The following PRKCE variants were observed in gnomAD, a reference collection of about 807,000 sequenced individuals.
PRKCE encodes the protein protein kinase C epsilon, also known as protein kinase C epsilon type.
In PRKCE, 16 loss-of-function variants were observed where a neutral mutation model predicts 85.4. The ratio of observed to expected loss-of-function variants is 0.19; its 90% confidence interval spans 0.13 to 0.28. The LOEUF (loss-of-function observed/expected upper bound fraction) is 0.28. Among genes scored for constraint, PRKCE ranks in the 10% least tolerant of loss-of-function variants. PRKCE has a pLI of 1.00. For missense variants in PRKCE, 573 were observed against 975.2 expected, an observed-to-expected ratio of 0.59 and a Z score of 5.49; for synonymous variants, 388 against 371.5, an observed-to-expected ratio of 1.04 and a Z score of -0.51.
chr2:45,701,144 G>A (rs932299086), intron 1 of PRKCE, among the ~76,000 whole-genome samples: 19 of 152,206 alleles, frequency 1.2e-4, no homozygotes, highest in Non-Finnish European at 2.5e-4. Flanking sequence ...TGAAGATGAA[G>A]TAGAATATAT....
At chr2:45,771,141 G>C (rs1685295348) in intron 1 of PRKCE, among the ~76,000 whole-genome samples, 1 of 152,138 alleles carries the variant, frequency 6.6e-6, no homozygotes, top group African/African-American at 2.4e-5. Flanking sequence ...GGTGGGAAGA[G>C]GTGGGTCAAT....
chr2:45,934,240 T>G (rs1029143821), intron 2 of PRKCE, among the ~76,000 whole-genome samples: 6 of 152,378 alleles, frequency 3.9e-5, no homozygotes, highest in African/African-American at 1.4e-4. Context: ...GTATTTGTTC[T>G]TATTGTAATA....
At chr2:45,948,195 C>G (rs116925130) in intron 2 of PRKCE, among the ~76,000 whole-genome samples, 1 of 152,274 alleles carries the variant, frequency 6.6e-6, no homozygotes, top group East Asian at 1.9e-4. Context: ...CCTTGCTATA[C>G]CCATAACGTG....
chr2:45,740,621 T>C (rs1281647790), intron 1 of PRKCE, among the ~76,000 whole-genome samples: 2 of 152,202 alleles, frequency 1.3e-5, no homozygotes, highest in Non-Finnish European at 2.9e-5. Flanking sequence ...GACTTTTCAG[T>C]CTTTTCCATT....
intron 1 of PRKCE, among the ~76,000 whole-genome samples, chr2:45,797,429 C>T (rs1687530132): frequency 6.6e-6 from 1 of 152,248 alleles, no homozygotes; most frequent in African/African-American, 2.4e-5. Flanking sequence ...GACCCAGTTC[C>T]ATGGTGCACC....
chr2:46,162,528 G>A lies in PRKCE; in HGVS notation c.2067+2776G>A, dbSNP rs1677878898. 2.0e-5 allele frequency among the ~76,000 whole-genome samples: 3 copies of A among 152,150 alleles called. No homozygotes were observed. In the South Asian group the frequency reaches 6.2e-4, roughly 32 times the overall value. On this transcript the variant is annotated intron_variant, in intron 14 of 14. Transcript: ENST00000306156. ...CCAGACCTTCAGAGTTAACCTCAATGCTCAGTGCTGTGGAGGGGGGCGGGG... is the reference window on the plus strand; with the variant it reads ...CCAGACCTTCAGAGTTAACCTCAATACTCAGTGCTGTGGAGGGGGGCGGGG...
intron 1 of PRKCE, among the ~76,000 whole-genome samples, chr2:45,767,596 T>C (rs1685010410): frequency 6.6e-6 from 1 of 152,220 alleles, no homozygotes; most frequent in East Asian, 1.9e-4. Flanking sequence ...TCTAGCACAC[T>C]CAATCTCCGG....
At chr2:45,759,583 G>T (rs150443587) in intron 1 of PRKCE, among the ~76,000 whole-genome samples, 2 of 152,170 alleles carry the variant, frequency 1.3e-5, no homozygotes, top group South Asian at 4.1e-4. Flanking sequence ...AGCAATTAGC[G>T]CCATCTCCTT....
Position 46,159,901 on chromosome 2 carries a change from C to A in PRKCE, c.2067+149C>A. ...GAGGTGGCTGAGGCTCTCCCTAAGA[C>A]AATGTCTTTAGGCCCCAAGTGTTTA... On this transcript the variant is annotated intron_variant, in intron 14 of 14. Transcript: ENST00000306156. This position sits in a 1 kb window ranked among gnomAD's most constrained non-coding sequence, Gnocchi z 4.1. 1 of 980,466 alleles carries A rather than the reference C, an allele frequency of 1.0e-6. No individual in the cohort carries two copies. Among genetic ancestry groups the A allele is most frequent in the Admixed American group, 3.2e-5 (1 of 30,846 alleles). The allele number at this position is 980,466 out of a possible 1,614,324, so 60.7% of individuals were successfully genotyped here. A position where few individuals can be genotyped will look rare whatever the true frequency, so the allele number is the denominator to read the frequency against.
intron 2 of PRKCE, among the ~76,000 whole-genome samples, chr2:45,848,295 A>G (rs776989820): frequency 6.7e-6 from 1 of 149,744 alleles, no homozygotes; most frequent in African/African-American, 2.4e-5. Context: ...TCAAATGACC[A>G]ATAGTTAGCA....
chr2:45,939,492 A>G (rs951702288), intron 2 of PRKCE, among the ~76,000 whole-genome samples: 5 of 151,940 alleles, frequency 3.3e-5, no homozygotes, highest in Admixed American at 6.6e-5. Flanking sequence ...TCAAAGAGAC[A>G]TTTCAACCCC....
At chr2:45,922,389 C>A (rs1698313633) in intron 2 of PRKCE, among the ~76,000 whole-genome samples, 2 of 152,172 alleles carry the variant, frequency 1.3e-5, no homozygotes, top group African/African-American at 4.8e-5. Flanking sequence ...CAAAGTCAAG[C>A]CCCCTTATAC....
intron 1 of PRKCE, among the ~76,000 whole-genome samples, chr2:45,655,048 G>A (rs1043649451): frequency 2.0e-5 from 3 of 152,174 alleles, no homozygotes; most frequent in Non-Finnish European, 2.9e-5. Flanking sequence ...TAAAGCAGCC[G>A]TTTCTCTCAT....
At chr2:46,088,629 A>G (rs1163418862) in intron 11 of PRKCE, among the ~76,000 whole-genome samples, 1 of 152,190 alleles carries the variant, frequency 6.6e-6, no homozygotes. Context: ...ACTTCAGTTA[A>G]TGGTCTGAAT....
intron 14 of PRKCE, among the ~76,000 whole-genome samples, chr2:46,177,610 A>G (rs1679549752): frequency 6.6e-6 from 1 of 152,182 alleles, no homozygotes; most frequent in South Asian, 2.1e-4. Flanking sequence ...GACACCAGTC[A>G]TATTGGATCA....
chr2:45,991,556 T>C (rs1336446789), intron 6 of PRKCE, among the ~76,000 whole-genome samples: 1 of 152,230 alleles, frequency 6.6e-6, no homozygotes, highest in East Asian at 1.9e-4. Flanking sequence ...GTCCACATTG[T>C]GGATGTTCCG....
intron 2 of PRKCE, among the ~76,000 whole-genome samples, chr2:45,913,331 G>T (rs1026983455): frequency 2.6e-5 from 4 of 152,166 alleles, no homozygotes; most frequent in African/African-American, 9.7e-5. Flanking sequence ...TATCTTTTTT[G>T]TAGAGACAAG....
intron 1 of PRKCE, among the ~76,000 whole-genome samples, chr2:45,732,697 C>T (rs1305011509): frequency 1.3e-5 from 2 of 152,178 alleles, no homozygotes; most frequent in African/African-American, 2.4e-5. Context: ...CCTGCACCTT[C>T]CTCAGCCAGC....
At chr2:46,092,756 G>A (rs1670296794) in intron 11 of PRKCE, among the ~76,000 whole-genome samples, 1 of 152,148 alleles carries the variant, frequency 6.6e-6, no homozygotes, top group Non-Finnish European at 1.5e-5. Flanking sequence ...AAATGCATAC[G>A]AAGTTGTGAT....
Sources: allele counts gnomAD v4.1 joint callset (sites outside exome capture counted in the v4.1 genomes callset), GRCh38; gene constraint gnomAD v4.1.1; non-coding constraint Gnocchi (gnomAD v3.1); transcripts MANE v1.5; gene names NCBI Gene and HGNC (gene_info 2026-07-23, HGNC 2026-07-21).